Variants in RBFOX1 observed in about 807,000 individuals in gnomAD.
RBFOX1 encodes the protein RNA binding protein fox-1 homolog 1.
A neutral mutation model predicts 57.7 loss-of-function variants in RBFOX1; 8 were observed. The ratio of observed to expected loss-of-function variants is 0.14; its 90% CI spans 0.08 to 0.25. The LOEUF is 0.25. Ranked by LOEUF, RBFOX1 falls within the 10% of genes least tolerant of loss-of-function variation. The pLI is 1.00. For missense variants in RBFOX1, 611 were observed against 548.5 expected (o/e 1.11, Z -1.14); for synonymous variants, 326 against 222.4 (o/e 1.47, Z -4.15).
intron 3 of RBFOX1, among the ~76,000 whole-genome samples, chr16:5,769,931 G>A (rs537166377): frequency 1.6e-4 from 25 of 152,164 alleles, no homozygotes; most frequent in Non-Finnish European, 3.1e-4. Flanking sequence ...GGATACCTTG[G>A]AAGAAAATTA....
rs568601707 is a variant in RBFOX1 at position 7,048,758 on chromosome 16, T to C, written c.-15-3299T>C. 7.2e-5 allele frequency among the ~76,000 whole-genome samples: 11 copies of C among 152,344 alleles called. No homozygotes were observed. The East Asian group carries it at 2.1e-3, about 29-fold the overall frequency. On this transcript the variant is annotated intron_variant, in intron 3 of 15. Transcript: ENST00000550418. ...TTTTCCCATGCAAATTTAGATTTTC[T>C]TGGTTCCTAGTATGCTAAGTCATTT...
intron 3 of RBFOX1, among the ~76,000 whole-genome samples, chr16:6,797,359 G>C (rs1321421297): frequency 6.6e-6 from 1 of 152,124 alleles, no homozygotes; most frequent in Non-Finnish European, 1.5e-5. Flanking sequence ...TTATGAAGCA[G>C]AGAGTGGAGA....
At chr16:5,811,343 A>G (rs977184806) in intron 3 of RBFOX1, among the ~76,000 whole-genome samples, 2 of 151,204 alleles carry the variant, frequency 1.3e-5, no homozygotes, top group Non-Finnish European at 2.9e-5. Context: ...TGGTTTCCCT[A>G]TGTTAGCCAG....
chr16:6,438,442 G>C (rs2094294328), intron 2 of RBFOX1, among the ~76,000 whole-genome samples: 2 of 152,200 alleles, frequency 1.3e-5, no homozygotes, highest in African/African-American at 4.8e-5. Flanking sequence ...ACATCCTGTA[G>C]CCTCTTGGTT....
At chr16:6,628,612 G>T (rs2154055238) in intron 2 of RBFOX1, among the ~76,000 whole-genome samples, 1 of 152,102 alleles carries the variant, frequency 6.6e-6, no homozygotes, top group East Asian at 1.9e-4. Context: ...TCACCCTTCA[G>T]CAGGGTGTAA....
intron 2 of RBFOX1, among the ~76,000 whole-genome samples, chr16:5,583,007 T>A (rs2046723400): frequency 6.6e-6 from 1 of 152,174 alleles, no homozygotes; most frequent in African/African-American, 2.4e-5. Flanking sequence ...TCTCACTCTG[T>A]CCTCTTTTTA....
At chr16:6,977,230 A>G (rs999146352) in intron 3 of RBFOX1, among the ~76,000 whole-genome samples, 8 of 148,982 alleles carry the variant, frequency 5.4e-5, no homozygotes, top group African/African-American at 1.7e-4. Flanking sequence ...ATATAATCAT[A>G]TATGATTTAA....
rs557559574 is a variant in RBFOX1 at position 6,731,416 on chromosome 16, G to A, written c.-16+76766G>A. 1.6e-4 allele frequency among the ~76,000 whole-genome samples: 25 copies of A among 152,228 alleles called. No homozygotes were observed. The South Asian group carries it at 5.2e-3, about 32-fold the overall frequency. On this transcript the variant is annotated intron_variant, in intron 3 of 15. Transcript: ENST00000550418. ...GTGACCTCACATCTCATCTTTTGTA[G>A]CATACTGCTACTCTCTGTCCTTCAT...
At chr16:7,085,443 A>T (rs559432130) in intron 4 of RBFOX1, among the ~76,000 whole-genome samples, 1 of 152,306 alleles carries the variant, frequency 6.6e-6, no homozygotes, top group South Asian at 2.1e-4. Flanking sequence ...AAAAGTATCG[A>T]TATATTGGCC....
chr16:6,722,879 G>A (rs931609101), intron 3 of RBFOX1, among the ~76,000 whole-genome samples: 3 of 152,192 alleles, frequency 2.0e-5, no homozygotes, highest in Non-Finnish European at 4.4e-5. Flanking sequence ...TGACATCTGT[G>A]CCTGGTCTGG....
chr16:5,571,747 A>G (rs1567243420), intron 2 of RBFOX1, among the ~76,000 whole-genome samples: 1 of 152,188 alleles, frequency 6.6e-6, no homozygotes, highest in South Asian at 2.1e-4. Flanking sequence ...CTTTTACTCA[A>G]TAAATACGAA....
intron 3 of RBFOX1, among the ~76,000 whole-genome samples, chr16:5,810,350 T>C (rs1485104784): frequency 1.3e-5 from 2 of 152,054 alleles, no homozygotes; most frequent in African/African-American, 4.8e-5. Context: ...GATATAAGAA[T>C]AAGGTGGTGT....
chr16:7,161,618 G>C (rs962728246), intron 4 of RBFOX1, among the ~76,000 whole-genome samples: 3 of 152,160 alleles, frequency 2.0e-5, no homozygotes, highest in African/African-American at 7.2e-5. Context: ...TCTCGGCTAA[G>C]TAATCCCAGG....
chr16:6,470,716 A>C (rs1021389752), intron 2 of RBFOX1, among the ~76,000 whole-genome samples: 1 of 152,112 alleles, frequency 6.6e-6, no homozygotes, highest in Non-Finnish European at 1.5e-5. Flanking sequence ...CATCGATACC[A>C]CCATTTAGTC....
chr16:5,566,602 A>G (rs892848876), intron 2 of RBFOX1, among the ~76,000 whole-genome samples: 3 of 151,260 alleles, frequency 2.0e-5, no homozygotes, highest in African/African-American at 4.9e-5. Context: ...GTGTGTATAT[A>G]TGTGTATATA....
intron 2 of RBFOX1, among the ~76,000 whole-genome samples, chr16:6,410,500 AC>A (rs1443283888): frequency 1.3e-5 from 2 of 151,122 alleles, no homozygotes; most frequent in African/African-American, 4.9e-5. Context: ...TTTAGTAGAG[AC>A]GGGGTTTCAC....
intron 3 of RBFOX1, among the ~76,000 whole-genome samples, chr16:6,855,652 C>CAG (rs2057717575): frequency 7.7e-6 from 1 of 129,044 alleles, no homozygotes; most frequent in Non-Finnish European, 1.6e-5. Flanking sequence ...GACTCCATCT[C>CAG]AAAAAAAAAA....
chr16:6,469,888 C>T (rs764461067), intron 2 of RBFOX1, among the ~76,000 whole-genome samples: 50 of 152,142 alleles, frequency 3.3e-4, no homozygotes, highest in Non-Finnish European at 6.5e-4. Flanking sequence ...ACCTTACAAT[C>T]CTATATTGTA....
chr16:6,405,974 C>G (rs1236527188), intron 2 of RBFOX1, among the ~76,000 whole-genome samples: 1 of 152,212 alleles, frequency 6.6e-6, no homozygotes, highest in Non-Finnish European at 1.5e-5. Flanking sequence ...CTTGGATGCT[C>G]ACATACTGTG....
Sources: allele counts gnomAD v4.1 joint callset (sites outside exome capture counted in the v4.1 genomes callset), GRCh38; gene constraint gnomAD v4.1.1; transcripts MANE v1.5; gene names NCBI Gene and HGNC (gene_info 2026-07-23, HGNC 2026-07-21).